Variants in RUNX1T1 observed in about 807,000 individuals in gnomAD.
RUNX1T1 encodes protein CBFA2T1.
RUNX1T1 carries 4 observed loss-of-function variants against 62.8 expected under a neutral mutation model. The ratio of observed to expected loss-of-function variants is 0.06; its 90% CI spans 0.03 to 0.15. The LOEUF is 0.15. RUNX1T1 is among the 10% of genes least tolerant of loss of function. The probability of loss-of-function intolerance (pLI) is 1.00; values close to 1 mark genes in which losing one functional copy is unlikely to be tolerated. For missense variants in RUNX1T1, 508 were observed against 754.3 expected (o/e 0.67, Z 3.82); for synonymous variants, 291 against 286.0 (o/e 1.02, Z -0.18).
intron 1 of RUNX1T1, among the ~76,000 whole-genome samples, chr8:92,081,780 G>T (rs1036635193): frequency 8.5e-5 from 13 of 152,064 alleles, no homozygotes; most frequent in African/African-American, 3.1e-4. Context: ...CCTGGTTGCT[G>T]CTGCTCCTAT....
In RUNX1T1 at chr8:92,046,060, T is replaced by A. The variant is rs142605503; in HGVS notation, c.7+16486A>T. 7.4e-4 allele frequency among the ~76,000 whole-genome samples: 113 copies of A among 152,310 alleles called. No individual in the cohort carries two copies. The East Asian group carries it at 0.02, about 27-fold the overall frequency. On this transcript the variant is annotated intron_variant, in intron 1 of 10. Coordinates refer to ENST00000396218, the Ensembl canonical transcript of RUNX1T1. ...TACATAGGAAGCCTACCCCATGGCCTGTGCTCTCCTAAAGAACACAGATAT... is the reference window on the plus strand; with the variant it reads ...TACATAGGAAGCCTACCCCATGGCCAGTGCTCTCCTAAAGAACACAGATAT...
chr8:92,058,908 C>T (rs1831459826), intron 1 of RUNX1T1, among the ~76,000 whole-genome samples: 1 of 152,100 alleles, frequency 6.6e-6, no homozygotes, highest in Non-Finnish European at 1.5e-5. Flanking sequence ...ATAACCATCA[C>T]CCCCTTCAAG....
intron 2 of RUNX1T1, 36 bp downstream of exon 2, chr8:92,075,929 T>C: frequency 6.4e-7 from 1 of 1,567,592 alleles, no homozygotes; most frequent in Non-Finnish European, 8.6e-7. Flanking sequence ...GGTACGTAAG[T>C]AAATTGCAAA....
At chr8:91,959,509 T>TATAG (rs1810005355) in exon 11 of RUNX1T1, 1 of 195,420 alleles carries the variant, frequency 5.1e-6, no homozygotes, top group Non-Finnish European at 1.1e-5. Flanking sequence ...TATATATATA[T>TATAG]ATATATGGAG....
intron 1 of RUNX1T1, among the ~76,000 whole-genome samples, chr8:92,028,571 G>A (rs999438136): frequency 6.6e-6 from 1 of 152,072 alleles, no homozygotes; most frequent in Non-Finnish European, 1.5e-5. Context: ...ACTTCAAATA[G>A]GCTAGTTCCA....
intron 1 of RUNX1T1, chr8:92,095,383 G>C (rs148735340): frequency 1.5e-5 from 23 of 1,535,404 alleles, no homozygotes; most frequent in East Asian, 4.9e-5. Context: ...GGCCGCGGCC[G>C]AGGCGGCACC....
exon 11 of RUNX1T1, chr8:91,959,599 G>A (rs1586673671): frequency 4.7e-6 from 1 of 214,314 alleles, no homozygotes; most frequent in Middle Eastern, 1.4e-3. Context: ...TTTTCATTCT[G>A]TTGACCTGGA....
rs1446814723 is a variant in RUNX1T1 at position 92,002,175 on chromosome 8, A to G, written c.659+2941T>C. Among the ~76,000 whole-genome samples the G allele has an allele frequency of 2.6e-5, 4 of 152,208 alleles. No homozygotes were observed. In the South Asian group the frequency reaches 8.3e-4, roughly 31 times the overall value. On this transcript the variant is annotated intron_variant, in intron 5 of 10. Coordinates refer to ENST00000396218, the Ensembl canonical transcript of RUNX1T1. ...TACTTACTTTCCCTAATATTTTAGG[A>G]AAGAAATAACATAATTTTATAATAA...
chr8:92,032,624 G>T (rs1587161789), intron 1 of RUNX1T1, among the ~76,000 whole-genome samples: 1 of 152,292 alleles, frequency 6.6e-6, no homozygotes, highest in African/African-American at 2.4e-5. Context: ...TATAGAAATA[G>T]TTCCATCAGG....
At chr8:91,966,815 C>T (rs1198964535) in intron 10 of RUNX1T1, among the ~76,000 whole-genome samples, 2 of 152,154 alleles carry the variant, frequency 1.3e-5, no homozygotes, top group African/African-American at 4.8e-5. Context: ...GTCATTCTAA[C>T]TGATAGTAAT....
intron 2 of RUNX1T1, 124 bp downstream of exon 2, chr8:92,075,841 G>T: frequency 1.2e-6 from 1 of 830,576 alleles, no homozygotes; most frequent in Non-Finnish European, 1.8e-6. Context: ...ACATACAATA[G>T]AACAGGCACT....
intron 10 of RUNX1T1, among the ~76,000 whole-genome samples, chr8:91,963,944 G>A (rs899070206): frequency 2.0e-5 from 3 of 152,104 alleles, no homozygotes; most frequent in African/African-American, 7.2e-5. Flanking sequence ...AAAGCTCATG[G>A]CACTTTATAG....
chr8:92,045,106 T>C (rs138392300), intron 1 of RUNX1T1, among the ~76,000 whole-genome samples: 529 of 150,844 alleles, frequency 3.5e-3, no homozygotes, highest in Admixed American at 5.5e-3. Context: ...ATATTATACA[T>C]ATATTTTATT....
rs545209172 is a variant in RUNX1T1 at position 92,054,134 on chromosome 8, A to G, written c.7+8412T>C. Reference sequence around the variant, plus strand: ...CACTTATTAGTACCTGGAAAAAAAAAAAAAAAAGACAGGCTTTTCAGGCTC... The same window carrying G: ...CACTTATTAGTACCTGGAAAAAAAAGAAAAAAAGACAGGCTTTTCAGGCTC... On this transcript the variant is annotated intron_variant, in intron 1 of 10. Transcript: ENST00000396218. Among the ~76,000 whole-genome samples, 218 of 152,188 alleles carry G rather than the reference A, an allele frequency of 1.4e-3. 1 individual carries two copies. Among genetic ancestry groups the G allele is most frequent in the African/African-American group, 4.6e-3 (193 of 41,522 alleles).
chr8:92,090,386 C>G (rs1836805098), intron 1 of RUNX1T1, among the ~76,000 whole-genome samples: 1 of 151,992 alleles, frequency 6.6e-6, no homozygotes, highest in Non-Finnish European at 1.5e-5. Context: ...GAACAAGACT[C>G]AAGAACTAAG....
chr8:91,958,908 T>TTTC (rs1359902474), downstream of RUNX1T1: 6 of 196,246 alleles, frequency 3.1e-5, no homozygotes, highest in Admixed American at 2.5e-4. Flanking sequence ...AAAGATAGCT[T>TTTC]TTCTTCTTTT....
intron 3 of RUNX1T1, 51 bp downstream of exon 4, chr8:92,014,528 C>A: frequency 6.6e-7 from 1 of 1,518,358 alleles, no homozygotes; most frequent in Non-Finnish European, 8.9e-7. Flanking sequence ...GAGTCTCCCA[C>A]CCACACTATC....
intron 8 of RUNX1T1, among the ~76,000 whole-genome samples, chr8:91,978,970 C>G (rs1314872264): frequency 6.6e-6 from 1 of 152,170 alleles, no homozygotes; most frequent in Non-Finnish European, 1.5e-5. Flanking sequence ...TTTCTTAATG[C>G]TAACCTACCT....
chr8:91,993,538 T>A (rs1258356914), intron 5 of RUNX1T1, among the ~76,000 whole-genome samples: 1 of 152,152 alleles, frequency 6.6e-6, no homozygotes, highest in Non-Finnish European at 1.5e-5. Context: ...GGCTTCAATA[T>A]TCTGCTCAGT....
Sources: gnomAD v4.1 joint callset for allele counts (sites outside exome capture counted in the v4.1 genomes callset) on GRCh38, gnomAD v4.1.1 for gene constraint, MANE v1.5 for transcripts, NCBI Gene and HGNC (gene_info 2026-07-23, HGNC 2026-07-21) for gene names.